Variants in AHCYL1 observed in about 807,000 individuals in gnomAD.
The protein encoded by AHCYL1 is adenosylhomocysteinase like 1, also known as S-adenosylhomocysteine hydrolase-like protein 1.
AHCYL1 carries 20 observed loss-of-function variants against 79.3 expected under a neutral mutation model. The ratio of observed to expected loss-of-function variants is 0.25; its 90% CI spans 0.18 to 0.37. The LOEUF (loss-of-function observed/expected upper bound fraction) is 0.37. AHCYL1 is among the 10% of genes least tolerant of loss of function. The pLI is 1.00. For missense variants in AHCYL1, 330 were observed against 673.6 expected (o/e 0.49, Z 5.65); for synonymous variants, 223 against 242.2 (o/e 0.92, Z 0.74).
chr1:110,019,476 A>C lies in AHCYL1; in HGVS notation c.1387-72A>C, dbSNP rs1221701427. The C allele has an allele frequency of 1.0e-5, 14 of 1,381,414 alleles. No homozygotes were observed. The East Asian group carries it at 3.2e-4, about 32-fold the overall frequency. The allele number at this position is 1,381,414 out of a possible 1,614,324, so 85.6% of individuals were successfully genotyped here. A position where few individuals can be genotyped will look rare whatever the true frequency, so the allele number is the denominator to read the frequency against. Reference sequence around the variant, plus strand: ...TGTAGTACTTACCCAAATGCTGTTTAACCTGGTTTTATTTTTATGTGCCTG... The same window carrying C: ...TGTAGTACTTACCCAAATGCTGTTTCACCTGGTTTTATTTTTATGTGCCTG... On this transcript the variant is annotated intron_variant, in intron 14 of 16. Transcript: ENST00000369799.
chr1:110,012,372 T>C lies in AHCYL1; in HGVS notation c.387T>C (p.Ala129=). ...TCTGTTCTTTCACAGACATGTCTGCTCTGATTTCACTCAGGAAACGTGCTC... is the reference window on the plus strand; with the variant it reads ...TCTGTTCTTTCACAGACATGTCTGCCCTGATTTCACTCAGGAAACGTGCTC... ...EIEIAEQDMS[A]LISLRKRAQG... is the part of the protein sequence containing the mutation. The change falls in exon 4 of 17, where the codon GCT becomes GCC. Residue 129 remains alanine (A), a synonymous_variant. Transcript: ENST00000369799. 6.2e-7 allele frequency: 1 copy of C among 1,613,856 alleles called. No individual in the cohort carries two copies. Among genetic ancestry groups the C allele is most frequent in the Non-Finnish European group, 8.5e-7 (1 of 1,179,928 alleles).
chr1:110,019,755 A>C, intron 15 of AHCYL1, 129 bp downstream of exon 15: 1 of 823,068 alleles, frequency 1.2e-6, no homozygotes, highest in Admixed American at 3.0e-5. Flanking sequence ...GTTTGACCTC[A>C]GGACAAGTTC....
At chr1:110,020,599 G>C (rs1651736602) in intron 15 of AHCYL1, 132 bp from the exon 16 acceptor site, 1 of 1,222,006 alleles carries the variant, frequency 8.2e-7, no homozygotes, top group Admixed American at 2.5e-5. Context: ...AATATTTCAA[G>C]TTGTGGATTC....
rs533897649 is a variant in AHCYL1, at chr1:110,022,861, T to G, written c.*1181T>G. 2 of 152,426 alleles carry G rather than the reference T, an allele frequency of 1.3e-5. No homozygotes were observed. Among genetic ancestry groups the G allele is most frequent in the Non-Finnish European group, 2.9e-5 (2 of 68,036 alleles). The allele number at this position is 152,426 out of a possible 1,614,324, so 9.4% of individuals were successfully genotyped here. ...AGTTTTACAGAAGTAATATGACTTTTGATTGCTACATACCACAAAGAGTTT... is the reference window on the plus strand; with the variant it reads ...AGTTTTACAGAAGTAATATGACTTTGGATTGCTACATACCACAAAGAGTTT... On this transcript the variant is annotated 3_prime_UTR_variant, in exon 17 of 17. Transcript: ENST00000369799.
chr1:110,014,300 A>C (rs1366959095), intron 5 of AHCYL1, among the ~76,000 whole-genome samples: 5 of 152,234 alleles, frequency 3.3e-5, no homozygotes, highest in Non-Finnish European at 7.3e-5. Context: ...ATATGTATAC[A>C]GTTTTATAAC....
chr1:110,014,020 C>T (rs944229664), intron 5 of AHCYL1, among the ~76,000 whole-genome samples: 28 of 151,870 alleles, frequency 1.8e-4, no homozygotes, highest in African/African-American at 5.8e-4. Flanking sequence ...AGGCTGGTCT[C>T]GAACTCCTGA....
Position 109,984,773 on chromosome 1 carries a change from T to A in AHCYL1, c.-280T>A, listed in dbSNP as rs1392083447. On this transcript the variant is annotated 5_prime_UTR_variant, in exon 1 of 17. Coordinates refer to ENST00000369799, the MANE Select transcript of AHCYL1 (RefSeq NM_006621.7). The stretch of plus-strand genomic sequence containing the variant: ...CACCGCCCTCTACCCTCGCTTTGCG[T>A]GCGTGTTTGCGTACAGCGGAGGTGG... 2 of 294,454 alleles carry A rather than the reference T, an allele frequency of 6.8e-6. No individual in the cohort carries two copies. Among genetic ancestry groups the A allele is most frequent in the African/African-American group, 2.2e-5 (1 of 44,734 alleles). 18.2% of individuals were successfully genotyped at this position (294,454 alleles called of 1,614,324 possible). A position where few individuals can be genotyped will look rare whatever the true frequency, so the allele number is the denominator to read the frequency against.
chr1:110,021,735 T>A lies in AHCYL1; in HGVS notation c.*55T>A, dbSNP rs1651817243. 6 of 1,552,260 alleles carry A rather than the reference T, an allele frequency of 3.9e-6. No individual in the cohort carries two copies. The Admixed American group carries it at 5.5e-5, about 14-fold the overall frequency. ...TGAACCACACACTCTAAAGAAATAT[T>A]TTTTAAGATAACTTTTATTTTCTTC... On this transcript the variant is annotated 3_prime_UTR_variant, in exon 17 of 17. Coordinates refer to ENST00000369799, the MANE Select transcript of AHCYL1 (RefSeq NM_006621.7).
chr1:109,986,277 C>T (rs936369592), intron 1 of AHCYL1, among the ~76,000 whole-genome samples: 3 of 151,546 alleles, frequency 2.0e-5, no homozygotes, highest in Admixed American at 1.3e-4. Context: ...ATAGTTAAGT[C>T]CTTGAGGCTT....
intron 1 of AHCYL1, among the ~76,000 whole-genome samples, chr1:109,992,528 G>A (rs1453640991): frequency 3.9e-5 from 6 of 152,078 alleles, no homozygotes; most frequent in African/African-American, 1.4e-4. Context: ...TCTCATGACT[G>A]TTAGCTTTAT....
intron 1 of AHCYL1, chr1:110,004,239 C>T: frequency 1.0e-6 from 1 of 985,504 alleles, no homozygotes; most frequent in Non-Finnish European, 1.2e-6. Flanking sequence ...GATTAGTCAG[C>T]CTGCCCTCCC....
At chr1:109,998,399 TC>T (rs958105346) in intron 1 of AHCYL1, among the ~76,000 whole-genome samples, 45 of 152,126 alleles carry the variant, frequency 3.0e-4, no homozygotes, top group African/African-American at 1.0e-3. Context: ...AGCAGGAGGA[TC>T]CCCTGAGCCC....
At position 110,016,791 on chromosome 1, in the gene AHCYL1, A is replaced by T. The variant is rs573690678; in HGVS notation, c.963+61A>T. 27 of 1,600,956 alleles carry T rather than the reference A, an allele frequency of 1.7e-5. No individual in the cohort carries two copies. In the South Asian group the frequency reaches 3.0e-4, roughly 18 times the overall value. On this transcript the variant is annotated intron_variant, in intron 9 of 16. Transcript: ENST00000369799. ...TGTACTTATTAGAAATATTGGGTAA[A>T]GGAGGCTTGTGCTGTCAATCTAGAG...
intron 4 of AHCYL1, 104 bp from the exon 5 acceptor site, chr1:110,012,793 C>T: frequency 2.5e-6 from 2 of 797,198 alleles, no homozygotes; most frequent in Non-Finnish European, 3.8e-6. Context: ...AGTGTAGCAC[C>T]TGTTGGTGCA....
At position 110,017,591 on chromosome 1, in the gene AHCYL1, CAG is replaced by C. The variant is rs1557775204; in HGVS notation, c.1052+11_1052+12del. ...CTGTGCTCTGCAGGCCTGGTAAGAA[CAG>C]AGTGATAATACTATTAGATTCACTC... On this transcript the variant is annotated intron_variant, in intron 10 of 16. Coordinates refer to ENST00000369799, the MANE Select transcript of AHCYL1 (RefSeq NM_006621.7). The C allele has an allele frequency of 3.7e-6, 6 of 1,611,994 alleles. No homozygotes were observed. Among genetic ancestry groups the C allele is most frequent in the South Asian group, 3.3e-5 (3 of 91,016 alleles).
intron 9 of AHCYL1, 107 bp downstream of exon 9, chr1:110,016,837 T>C (rs1651450829): frequency 1.6e-6 from 2 of 1,249,978 alleles, no homozygotes; most frequent in South Asian, 2.9e-5. Context: ...AAGGTTTAAA[T>C]TTTTTTAGAT....
At chr1:110,016,113 A>T (rs1055965645) in intron 7 of AHCYL1, among the ~76,000 whole-genome samples, 1 of 152,162 alleles carries the variant, frequency 6.6e-6, no homozygotes, top group Non-Finnish European at 1.5e-5. Context: ...ACATTTCTTC[A>T]ATTGAAAGGC....
At chr1:110,014,667 C>G (rs900394377) in intron 5 of AHCYL1, 96 bp from the exon 6 acceptor site, 11 of 866,458 alleles carry the variant, frequency 1.3e-5, no homozygotes, top group Non-Finnish European at 1.8e-5. Flanking sequence ...GAAATTGTTT[C>G]TTTTGCCTTT....
chr1:109,992,079 GGC>G (rs1263939104), intron 1 of AHCYL1, among the ~76,000 whole-genome samples: 2 of 151,760 alleles, frequency 1.3e-5, no homozygotes, highest in Non-Finnish European at 2.9e-5. Context: ...GAAATCTGGG[GGC>G]GGGGGGAAGA....
Sources: gnomAD v4.1 joint callset for allele counts (sites outside exome capture counted in the v4.1 genomes callset) on GRCh38, gnomAD v4.1.1 for gene constraint, MANE v1.5 for transcripts, NCBI Gene and HGNC (gene_info 2026-07-23, HGNC 2026-07-21) for gene names.